ZNF121: variants seen among roughly 807,000 people sequenced by gnomAD.
ZNF121 encodes the protein zinc finger protein 121 (clone ZHC32).
A neutral mutation model predicts 2.4 loss-of-function variants in ZNF121; 1 was observed. The ratio of observed to expected loss-of-function variants is 0.41; its 90% CI spans 0.15 to 1.94. The LOEUF is 1.94. ZNF121 is among the 30% of genes most tolerant of loss of function. The pLI is 0.30. For missense variants in ZNF121, 369 were observed against 466.3 expected, an observed-to-expected ratio of 0.79 and a Z score of 1.92; for synonymous variants, 173 against 158.6, an observed-to-expected ratio of 1.09 and a Z score of -0.68.
At chr19:9,567,616 G>T in intron 3 of ZNF121, 1 of 304,540 alleles carries the variant, frequency 3.3e-6, no homozygotes, top group Non-Finnish European at 6.7e-6. Flanking sequence ...TTATTACATT[G>T]TAATATATAA....
chr19:9,583,273 G>T, intron 1 of ZNF121, among the ~76,000 whole-genome samples: 1 of 142,216 alleles, frequency 7.0e-6, no homozygotes, highest in Non-Finnish European at 1.5e-5. Flanking sequence ...TTGAAGCTCT[G>T]TGGGGGGGTA....
At chr19:9,574,578 T>C (rs1355802971) in intron 1 of ZNF121, among the ~76,000 whole-genome samples, 1 of 152,254 alleles carries the variant, frequency 6.6e-6, no homozygotes, top group African/African-American at 2.4e-5. Flanking sequence ...TACTGCTGTG[T>C]CCAGTTTCCA....
At chr19:9,573,204 T>A (rs919902479) in intron 1 of ZNF121, among the ~76,000 whole-genome samples, 44 of 152,084 alleles carry the variant, frequency 2.9e-4, no homozygotes, top group African/African-American at 1.1e-3. Context: ...CCTAATGAAA[T>A]GACAATATGT....
rs866277666 is a variant in ZNF121, at chr19:9,566,454, C to T, written c.659G>A (p.Arg220Gln). 4 of 1,613,800 alleles carry T rather than the reference C, an allele frequency of 2.5e-6. No individual in the cohort carries two copies. Among genetic ancestry groups the T allele is most frequent in the African/African-American group, 1.3e-5 (1 of 74,934 alleles). ...ATAGGGCTTCTCTCCAGTGTGTATT[C>T]GTACATGTTTAGTAAGGCCTGAGCG... Reference protein sequence around the residue: ...AGRSGLTKHVRIHTGEKPYEC... With the variant: ...AGRSGLTKHVQIHTGEKPYEC... Residue 220 changes from arginine to glutamine, a missense_variant, in exon 4 of 4, where the codon CGA becomes CAA. Coordinates refer to ENST00000320451, the MANE Select transcript of ZNF121 (RefSeq NM_001008727.5).
chr19:9,570,600 C>T (rs1053882937), intron 1 of ZNF121, among the ~76,000 whole-genome samples: 6 of 152,046 alleles, frequency 3.9e-5, no homozygotes, highest in Admixed American at 1.3e-4. Flanking sequence ...GAGTTTTGCT[C>T]TTGTTGCCCA....
At chr19:9,576,484 C>T (rs2074211101) in intron 1 of ZNF121, among the ~76,000 whole-genome samples, 1 of 152,016 alleles carries the variant, frequency 6.6e-6, no homozygotes, top group Non-Finnish European at 1.5e-5. Flanking sequence ...GGGATAAAAG[C>T]AGTACTAAGG....
intron 1 of ZNF121, among the ~76,000 whole-genome samples, chr19:9,582,734 G>C (rs2144828263): frequency 6.8e-6 from 1 of 146,954 alleles, no homozygotes; most frequent in Admixed American, 6.8e-5. Context: ...GGGTAGCAGA[G>C]CGAGACTCTG....
intron 1 of ZNF121, among the ~76,000 whole-genome samples, chr19:9,576,749 C>A (rs913624104): frequency 1.3e-5 from 2 of 151,802 alleles, no homozygotes; most frequent in Non-Finnish European, 2.9e-5. Flanking sequence ...AAAAAAAGGA[C>A]CCAAATAAAA....
intron 1 of ZNF121, among the ~76,000 whole-genome samples, chr19:9,583,376 G>T (rs1025729945): frequency 6.6e-6 from 1 of 151,130 alleles, no homozygotes; most frequent in African/African-American, 2.4e-5. Flanking sequence ...GCCCAGGCTG[G>T]AGTGCAGTGG....
At chr19:9,569,960 A>T (rs2074162191) in intron 1 of ZNF121, among the ~76,000 whole-genome samples, 1 of 143,192 alleles carries the variant, frequency 7.0e-6, no homozygotes, top group African/African-American at 2.7e-5. Context: ...TCTTTTTGAG[A>T]GATTTTTGCT....
At chr19:9,580,161 G>A (rs1019075410) in intron 1 of ZNF121, among the ~76,000 whole-genome samples, 1 of 151,914 alleles carries the variant, frequency 6.6e-6, no homozygotes, top group Non-Finnish European at 1.5e-5. Flanking sequence ...GCGTGTTGGC[G>A]GGCACCTGTA....
At chr19:9,570,614 T>C (rs2074167051) in intron 1 of ZNF121, among the ~76,000 whole-genome samples, 3 of 152,140 alleles carry the variant, frequency 2.0e-5, no homozygotes, top group Non-Finnish European at 2.9e-5. Flanking sequence ...TTGCCCAGGA[T>C]GGAGTGCAAT....
rs1392379802 is a variant in ZNF121 at position 9,579,702 on chromosome 19, C to G, written c.-160+4759G>C. ...GAGAGGTTGATTCATGGGTAAAATA[C>G]ACAGTTAGAAGAAATAAGAACTAGT... On this transcript the variant is annotated intron_variant, in intron 1 of 3. Coordinates refer to ENST00000320451, the MANE Select transcript of ZNF121 (RefSeq NM_001008727.5). 2.0e-5 allele frequency among the ~76,000 whole-genome samples: 3 copies of G among 152,074 alleles called. No homozygotes were observed. The East Asian group carries it at 5.8e-4, about 29-fold the overall frequency.
intron 1 of ZNF121, among the ~76,000 whole-genome samples, chr19:9,582,411 A>G (rs1486390681): frequency 2.0e-5 from 3 of 152,192 alleles, no homozygotes; most frequent in Non-Finnish European, 4.4e-5. Flanking sequence ...CTGGACAATG[A>G]ATCTCAGGAG....
chr19:9,570,443 G>A (rs931132235), intron 1 of ZNF121, among the ~76,000 whole-genome samples: 3 of 152,154 alleles, frequency 2.0e-5, no homozygotes, highest in African/African-American at 7.2e-5. Context: ...CTTCACAAAG[G>A]TTATTAAGAG....
At chr19:9,580,290 CAAAAAGAA>C (rs1186796223) in intron 1 of ZNF121, among the ~76,000 whole-genome samples, 1 of 145,724 alleles carries the variant, frequency 6.9e-6, no homozygotes, top group Non-Finnish European at 1.5e-5. Context: ...AAACTAGTCT[CAAAAAGAA>C]AAAAAGAAAA....
chr19:9,580,314 AAGAT>A (rs998037604), intron 1 of ZNF121, among the ~76,000 whole-genome samples: 2 of 151,602 alleles, frequency 1.3e-5, no homozygotes, highest in Non-Finnish European at 2.9e-5. Flanking sequence ...GAAAAAAAAA[AAGAT>A]AGATATTCCC....
At chr19:9,571,441 T>C (rs2074173511) in intron 1 of ZNF121, among the ~76,000 whole-genome samples, 1 of 152,208 alleles carries the variant, frequency 6.6e-6, no homozygotes, top group Non-Finnish European at 1.5e-5. Context: ...ATCACTCCAA[T>C]TACCGCCATT....
At position 9,561,723 on chromosome 19, in the gene ZNF121, C is replaced by G. The variant is rs770122158; in HGVS notation, c.*4217G>C. Reference sequence around the variant, plus strand: ...GCAACATAGTGAGACCTCGGCTCTACGAATAAAAAAATTAAGTGGGTGCGT... The same window carrying G: ...GCAACATAGTGAGACCTCGGCTCTAGGAATAAAAAAATTAAGTGGGTGCGT... On this transcript the variant is annotated 3_prime_UTR_variant, in exon 4 of 4. Transcript: ENST00000320451. The G allele has an allele frequency of 6.6e-6, 1 of 151,820 alleles. No individual in the cohort carries two copies. The highest frequency in any genetic ancestry group is 2.4e-5 in the African/African-American group (1 of 41,324). The allele number at this position is 151,820 out of a possible 1,614,324, so 9.4% of individuals were successfully genotyped here.
Sources: allele counts gnomAD v4.1 joint callset (sites outside exome capture counted in the v4.1 genomes callset), GRCh38; gene constraint gnomAD v4.1.1; transcripts MANE v1.5; gene names NCBI Gene and HGNC (gene_info 2026-07-23, HGNC 2026-07-21).